The following CEP89 variants were observed in gnomAD, a reference collection of about 807,000 sequenced individuals.
CEP89 encodes the protein centrosomal protein of 89 kDa.
In CEP89, 95 loss-of-function variants were observed where a neutral mutation model predicts 97.6. The observed-to-expected ratio is 0.97, with a 90% CI of 0.82 to 1.15. The LOEUF (loss-of-function observed/expected upper bound fraction) is 1.15. Among genes scored for constraint, CEP89 ranks in the 50% most tolerant of loss-of-function variants. The pLI, the probability that CEP89 is intolerant of heterozygous loss-of-function variation, is 0.00. For missense variants in CEP89, 869 were observed against 947.7 expected (o/e 0.92, Z 1.09); for synonymous variants, 354 against 349.1 (o/e 1.01, Z -0.16).
At chr19:32,902,675 G>A (rs537683741) in intron 14 of CEP89, among the ~76,000 whole-genome samples, 1 of 152,288 alleles carries the variant, frequency 6.6e-6, no homozygotes, top group South Asian at 2.1e-4. Context: ...CTGAGCCCAG[G>A]AGCCAGAGAT....
intron 17 of CEP89, among the ~76,000 whole-genome samples, chr19:32,883,187 G>A (rs963197800): frequency 3.9e-5 from 6 of 151,902 alleles, no homozygotes; most frequent in African/African-American, 1.5e-4. Context: ...TATTGTCACA[G>A]AGAGTCTGAC....
chr19:32,899,446 A>G (rs1488230507), intron 16 of CEP89, among the ~76,000 whole-genome samples: 1 of 152,134 alleles, frequency 6.6e-6, no homozygotes, highest in Admixed American at 6.6e-5. Flanking sequence ...TACAGTTGAA[A>G]TTTTAAAATA....
intron 14 of CEP89, among the ~76,000 whole-genome samples, chr19:32,910,670 AT>A (rs1568555087): frequency 1.0e-5 from 1 of 99,010 alleles, no homozygotes; most frequent in Non-Finnish European, 2.3e-5. Flanking sequence ...TTTCTATTAA[AT>A]TTTTTTTAAA....
chr19:32,939,854 T>G lies in CEP89; in HGVS notation c.624+3A>C. The G allele has an allele frequency of 1.6e-6, 2 of 1,224,764 alleles. No homozygotes were observed. Among genetic ancestry groups the G allele is most frequent in the Non-Finnish European group, 2.3e-6 (2 of 853,568 alleles). The allele number at this position is 1,224,764 out of a possible 1,614,324, so 75.9% of individuals were successfully genotyped here. ...AATCAGTTTTTAAAAAAAATGATCTTACCTTTAAATTCAGAACAGGGTGTT... is the reference window on the plus strand; with the variant it reads ...AATCAGTTTTTAAAAAAAATGATCTGACCTTTAAATTCAGAACAGGGTGTT... On this transcript the variant is annotated splice_donor_region_variant and intron_variant, in intron 6 of 18. Transcript: ENST00000305768.
At chr19:32,957,835 CAAAT>C (rs1430350656) in intron 3 of CEP89, among the ~76,000 whole-genome samples, 1 of 151,444 alleles carries the variant, frequency 6.6e-6, no homozygotes, top group Non-Finnish European at 1.5e-5. Flanking sequence ...AATATAAAAA[CAAAT>C]AAATAAATTA....
In CEP89 at chr19:32,931,458, T is replaced by C. The variant is rs1223982457; in HGVS notation, c.1000A>G (p.Thr334Ala). Residue 334 changes from threonine (T) to alanine (A), a missense_variant, in exon 9 of 19, where the codon ACA becomes GCA. By Grantham distance (58) the Thr-to-Ala change is moderately conservative (BLOSUM62 0). Coordinates refer to ENST00000305768, the MANE Select transcript of CEP89 (RefSeq NM_032816.5). ...RLNVELSRYQ[T>A]KFRHLSKEES... The stretch of plus-strand genomic sequence containing the variant: ...TCCTTGGACAAATGCCTGAATTTTG[T>C]CTGATATCGACTGAGTTCTACATTC... 1 of 1,586,048 alleles carries C rather than the reference T, an allele frequency of 6.3e-7. No individual in the cohort carries two copies. The highest frequency in any genetic ancestry group is 8.5e-7 in the Non-Finnish European group (1 of 1,172,980).
intron 7 of CEP89, among the ~76,000 whole-genome samples, chr19:32,934,324 C>T (rs557339137): frequency 2.6e-5 from 4 of 152,178 alleles, no homozygotes; most frequent in African/African-American, 9.7e-5. Flanking sequence ...TGACGAGCCA[C>T]TGGCCTGTGG....
At chr19:32,951,511 T>TTATA (rs72440449) in intron 4 of CEP89, among the ~76,000 whole-genome samples, 60 of 132,048 alleles carry the variant, frequency 4.5e-4, no homozygotes, top group South Asian at 2.8e-3. Flanking sequence ...CAACAAAAAA[T>TTATA]TATATATATA....
chr19:32,911,902 T>C (rs1450673864), intron 14 of CEP89, among the ~76,000 whole-genome samples: 6 of 152,054 alleles, frequency 3.9e-5, no homozygotes, highest in Non-Finnish European at 7.4e-5. Context: ...TCCCCCTTAT[T>C]ACAAAAGTGA....
intron 6 of CEP89, among the ~76,000 whole-genome samples, chr19:32,939,520 T>C (rs983346399): frequency 6.6e-6 from 1 of 151,516 alleles, no homozygotes; most frequent in Non-Finnish European, 1.5e-5. Flanking sequence ...TTATCAAAAA[T>C]ACAACAAATT....
rs532520364 is a variant in CEP89 at position 32,920,834 on chromosome 19, C to T, written c.1269-2495G>A. 2.6e-4 allele frequency among the ~76,000 whole-genome samples: 40 copies of T among 152,106 alleles called. 1 individual carries two copies. The South Asian group carries it at 7.2e-3, about 28-fold the overall frequency. ...ACAGACCCATTAAGCCTGAGGTCAC[C>T]CAGTGATTCAGGGGGAGTTAGGAAA... On this transcript the variant is annotated intron_variant, in intron 12 of 18. Transcript: ENST00000305768.
chr19:32,902,768 C>T (rs1021892001), intron 14 of CEP89, among the ~76,000 whole-genome samples: 6 of 152,092 alleles, frequency 3.9e-5, no homozygotes, highest in African/African-American at 9.7e-5. Flanking sequence ...GCTCTAGAGA[C>T]CTTGAAGGGT....
intron 11 of CEP89, among the ~76,000 whole-genome samples, chr19:32,925,441 C>A (rs1263090842): frequency 2.0e-5 from 3 of 151,106 alleles, no homozygotes; most frequent in African/African-American, 7.3e-5. Flanking sequence ...TAAGTTTGCC[C>A]AAAACATCTC....
chr19:32,893,427 A>G (rs1221255710), intron 16 of CEP89, among the ~76,000 whole-genome samples: 1 of 152,232 alleles, frequency 6.6e-6, no homozygotes, highest in Non-Finnish European at 1.5e-5. Context: ...CTACAATACA[A>G]TAATAGTTGG....
chr19:32,932,909 C>CACT (rs1023944827), intron 8 of CEP89, among the ~76,000 whole-genome samples: 2 of 152,090 alleles, frequency 1.3e-5, no homozygotes, highest in Admixed American at 1.3e-4. Context: ...CTGACCACCC[C>CACT]ACTGTAGTCC....
intron 8 of CEP89, 46 bp downstream of exon 8, chr19:32,933,405 G>T: frequency 8.0e-7 from 1 of 1,252,504 alleles, no homozygotes; most frequent in Non-Finnish European, 1.1e-6. Flanking sequence ...ATAATTGAGT[G>T]AAGTCCTGCT....
intron 2 of CEP89, among the ~76,000 whole-genome samples, chr19:32,964,356 G>A (rs1971238010): frequency 6.6e-6 from 1 of 152,182 alleles, no homozygotes; most frequent in South Asian, 2.1e-4. Context: ...ATTTTTAGTG[G>A]AGATAGGTTT....
At chr19:32,942,013 T>C in intron 5 of CEP89, among the ~76,000 whole-genome samples, 1 of 152,208 alleles carries the variant, frequency 6.6e-6, no homozygotes, top group African/African-American at 2.4e-5. Context: ...TTTAATGGAG[T>C]CTTCTATGTC....
At chr19:32,881,145 GT>G (rs1040821513) in intron 18 of CEP89, among the ~76,000 whole-genome samples, 1 of 152,126 alleles carries the variant, frequency 6.6e-6, no homozygotes, top group African/African-American at 2.4e-5. Flanking sequence ...TGAATGAAGA[GT>G]TTAAAAAAGT....
Sources: allele counts gnomAD v4.1 joint callset (sites outside exome capture counted in the v4.1 genomes callset), GRCh38; gene constraint gnomAD v4.1.1; transcripts MANE v1.5; gene names NCBI Gene and HGNC (gene_info 2026-07-23, HGNC 2026-07-21).